NEK11: variants seen among roughly 807,000 people sequenced by gnomAD.
NEK11 encodes the protein serine/threonine-protein kinase Nek11.
A neutral mutation model predicts 80.7 loss-of-function variants in NEK11; 72 were observed. The observed-to-expected ratio is 0.89, with a 90% CI of 0.74 to 1.08. The LOEUF is 1.08. Among genes scored for constraint, NEK11 ranks in the 50% least tolerant of loss-of-function variants. NEK11 has a pLI of 0.00. For synonymous variants in NEK11, 251 were observed against 260.7 expected, an observed-to-expected ratio of 0.96 and a Z score of 0.36; for missense variants, 764 against 763.6, an observed-to-expected ratio of 1.00 and a Z score of -0.01.
At chr3:131,260,735 T>C (rs535861425) in intron 16 of NEK11, among the ~76,000 whole-genome samples, 1 of 152,180 alleles carries the variant, frequency 6.6e-6, no homozygotes, top group Non-Finnish European at 1.5e-5. Flanking sequence ...GATATACTTT[T>C]GCAATAATTT....
At chr3:131,188,110 G>GTGTCTC (rs1487009502) in intron 14 of NEK11, among the ~76,000 whole-genome samples, 6 of 152,138 alleles carry the variant, frequency 3.9e-5, no homozygotes, top group Non-Finnish European at 8.8e-5. Flanking sequence ...TAGTGTGAGT[G>GTGTCTC]TGTCTCTTGT....
At chr3:131,272,719 G>A (rs1184389624) in intron 16 of NEK11, among the ~76,000 whole-genome samples, 2 of 151,730 alleles carry the variant, frequency 1.3e-5, no homozygotes, top group African/African-American at 4.8e-5. Context: ...CAGGTGATCC[G>A]CCCACCTCAG....
At chr3:131,043,971 A>T (rs950353073) in intron 3 of NEK11, among the ~76,000 whole-genome samples, 7 of 152,164 alleles carry the variant, frequency 4.6e-5, no homozygotes, top group Admixed American at 1.3e-4. Context: ...AACATTCTTA[A>T]AGGAAAGAAT....
intron 17 of NEK11, among the ~76,000 whole-genome samples, chr3:131,284,629 C>G (rs1418755735): frequency 6.6e-6 from 1 of 152,164 alleles, no homozygotes; most frequent in African/African-American, 2.4e-5. Context: ...CAGACCTACC[C>G]TCAATCTGGG....
chr3:131,220,907 C>T (rs534267502), intron 14 of NEK11, among the ~76,000 whole-genome samples: 7 of 152,022 alleles, frequency 4.6e-5, no homozygotes, highest in Non-Finnish European at 8.8e-5. Flanking sequence ...AGTTTTAGTA[C>T]GATGAAGACA....
chr3:131,089,738 C>T (rs984819989), intron 4 of NEK11, among the ~76,000 whole-genome samples: 1 of 152,152 alleles, frequency 6.6e-6, no homozygotes, highest in Non-Finnish European at 1.5e-5. Flanking sequence ...TGCACCCAAT[C>T]TGCATTTACT....
chr3:131,170,858 A>G lies in NEK11; in HGVS notation c.1370A>G (p.Glu457Gly). Residue 457 changes from glutamate to glycine, a missense_variant, in exon 14 of 18, where the codon GAG becomes GGG. By Grantham distance (98) the Glu-to-Gly change is moderately conservative (BLOSUM62 -2). Coordinates refer to ENST00000383366, the MANE Select transcript of NEK11 (RefSeq NM_024800.5). ...MDLHELESIVEDATSDLGYHE... is the reference protein window; with the variant it reads ...MDLHELESIVGDATSDLGYHE... ...CTCCACGAACTTGAATCAATTGTAG[A>G]GGATGCCACATCTGACCTTGGATAC... 5 of 1,613,562 alleles carry G rather than the reference A, an allele frequency of 3.1e-6. No homozygotes were observed. Among genetic ancestry groups the G allele is most frequent in the Non-Finnish European group, 4.2e-6 (5 of 1,179,498 alleles).
chr3:131,069,061 T>TA, intron 3 of NEK11, among the ~76,000 whole-genome samples: 1 of 152,188 alleles, frequency 6.6e-6, no homozygotes, highest in African/African-American at 2.4e-5. Flanking sequence ...TTGGCTGTCT[T>TA]ACTGTTAAGA....
chr3:131,336,707 G>A (rs992801190), intron 17 of NEK11, among the ~76,000 whole-genome samples: 6 of 152,142 alleles, frequency 3.9e-5, no homozygotes, highest in East Asian at 1.9e-4. Flanking sequence ...GAAAATTTTC[G>A]CAACTTACTC....
intron 17 of NEK11, among the ~76,000 whole-genome samples, chr3:131,300,959 TG>T: frequency 6.6e-6 from 1 of 152,220 alleles, no homozygotes. Context: ...ATATGTAAAT[TG>T]CTTTGGGCAG....
At chr3:131,209,778 G>A (rs994519326) in intron 14 of NEK11, among the ~76,000 whole-genome samples, 3 of 152,188 alleles carry the variant, frequency 2.0e-5, no homozygotes, top group Non-Finnish European at 2.9e-5. Flanking sequence ...GCATAGAGGT[G>A]TTTATAGTAT....
At chr3:131,345,039 T>A (rs1249054473) in intron 17 of NEK11, among the ~76,000 whole-genome samples, 1 of 152,256 alleles carries the variant, frequency 6.6e-6, no homozygotes, top group East Asian at 1.9e-4. Context: ...ATTTGATTTA[T>A]TATTTGCATC....
chr3:131,043,465 A>G (rs747344444), intron 3 of NEK11, among the ~76,000 whole-genome samples: 27 of 152,372 alleles, frequency 1.8e-4, no homozygotes, highest in East Asian at 1.9e-4. Flanking sequence ...TGAAGGAAGC[A>G]TACACAAGTA....
At chr3:131,055,573 CA>C (rs1261756431) in intron 3 of NEK11, among the ~76,000 whole-genome samples, 2 of 151,822 alleles carry the variant, frequency 1.3e-5, no homozygotes, top group African/African-American at 4.8e-5. Context: ...CCATCTCTAC[CA>C]AAAACAAAAT....
intron 15 of NEK11, among the ~76,000 whole-genome samples, chr3:131,239,991 C>A (rs372218710): frequency 3.3e-5 from 5 of 152,282 alleles, no homozygotes; most frequent in African/African-American, 1.2e-4. Flanking sequence ...TCAAACAAAA[C>A]CCTGTCATTG....
At position 131,027,917 on chromosome 3, in the gene NEK11, C is replaced by T. The variant is rs1287544071; in HGVS notation, c.-169-13C>T. 1 of 152,180 alleles carries T rather than the reference C, an allele frequency of 6.6e-6. No homozygotes were observed. Among genetic ancestry groups the T allele is most frequent in the Non-Finnish European group, 1.5e-5 (1 of 68,038 alleles). The allele number at this position is 152,180 out of a possible 1,614,324, so 9.4% of individuals were successfully genotyped here. Reference sequence around the variant, plus strand: ...TCATTCTGTCCGTCCCTAATTCTGTCCTTCTCTAAAAGGAACCTTAATCTC... The same window carrying T: ...TCATTCTGTCCGTCCCTAATTCTGTTCTTCTCTAAAAGGAACCTTAATCTC... On this transcript the variant is annotated splice_polypyrimidine_tract_variant and intron_variant, in intron 1 of 17. Coordinates refer to ENST00000383366, the MANE Select transcript of NEK11 (RefSeq NM_024800.5).
At chr3:131,237,196 T>C (rs904809523) in intron 15 of NEK11, among the ~76,000 whole-genome samples, 1 of 151,958 alleles carries the variant, frequency 6.6e-6, no homozygotes, top group Non-Finnish European at 1.5e-5. Flanking sequence ...TTAAAATAGC[T>C]GAGCATGGTG....
intron 9 of NEK11, among the ~76,000 whole-genome samples, chr3:131,154,559 C>T (rs1331680995): frequency 6.6e-6 from 1 of 152,108 alleles, no homozygotes; most frequent in Non-Finnish European, 1.5e-5. Flanking sequence ...CTATTGTATT[C>T]TTTATAGTTT....
intron 3 of NEK11, among the ~76,000 whole-genome samples, chr3:131,030,375 T>A (rs1049105155): frequency 6.6e-6 from 1 of 152,190 alleles, no homozygotes. Context: ...AGTATCCAAA[T>A]GACCTAAAGA....
Sources: gnomAD v4.1 joint callset for allele counts (sites outside exome capture counted in the v4.1 genomes callset) on GRCh38, gnomAD v4.1.1 for gene constraint, MANE v1.5 for transcripts, NCBI Gene and HGNC (gene_info 2026-07-23, HGNC 2026-07-21) for gene names.